The following EDNRB variants were observed in gnomAD, a reference collection of about 807,000 sequenced individuals.
EDNRB encodes the protein endothelin receptor type B, also known as Hirschsprung disease 2.
In EDNRB, 18 loss-of-function variants were observed where a neutral mutation model predicts 46.4. The ratio of observed to expected loss-of-function variants is 0.39; its 90% confidence interval spans 0.27 to 0.57. The LOEUF (loss-of-function observed/expected upper bound fraction) is 0.57. Among genes scored for constraint, EDNRB ranks in the 20% least tolerant of loss-of-function variants. The pLI is 0.61. For synonymous variants in EDNRB, 213 were observed against 204.9 expected, an observed-to-expected ratio of 1.04 and a Z score of -0.34; for missense variants, 434 against 537.5, an observed-to-expected ratio of 0.81 and a Z score of 1.90.
chr13:77,908,965 C>A (rs1879431018), intron 1 of EDNRB, among the ~76,000 whole-genome samples: 1 of 152,008 alleles, frequency 6.6e-6, no homozygotes, highest in South Asian at 2.1e-4. Context: ...GATGTCTCAT[C>A]TAACTGAATA....
At chr13:77,946,852 A>G (rs948302742) in intron 1 of EDNRB, among the ~76,000 whole-genome samples, 5 of 152,232 alleles carry the variant, frequency 3.3e-5, no homozygotes, top group African/African-American at 1.2e-4. Context: ...TTCCATAAAA[A>G]TCACCCTAGA....
In EDNRB at chr13:77,896,660, T is replaced by C. The variant is rs971973268; in HGVS notation, c.*1540A>G. The C allele has an allele frequency of 1.4e-6, 2 of 1,470,990 alleles. No homozygotes were observed. The highest frequency in any genetic ancestry group is 1.8e-6 in the Non-Finnish European group (2 of 1,116,590). 91.1% of individuals were successfully genotyped at this position (1,470,990 alleles called of 1,614,324 possible). ...GAAAGTCACTCTGAGAACATTGCAC[T>C]GTGTTTTGCTGGAACAAAATCAGGA... On this transcript the variant is annotated 3_prime_UTR_variant, in exon 7 of 7. Transcript: ENST00000646607.
intron 1 of EDNRB, among the ~76,000 whole-genome samples, chr13:77,948,632 G>T (rs926745926): frequency 6.6e-6 from 1 of 152,190 alleles, no homozygotes; most frequent in African/African-American, 2.4e-5. Flanking sequence ...CTGTCGAATG[G>T]AGTGAAGAAT....
chr13:77,956,909 T>C (rs1054534173), intron 1 of EDNRB, among the ~76,000 whole-genome samples: 2 of 152,228 alleles, frequency 1.3e-5, no homozygotes, highest in African/African-American at 4.8e-5. Context: ...CCTATCCAGA[T>C]AATTCAGTAT....
chr13:77,946,977 G>A (rs1880940139), intron 1 of EDNRB, among the ~76,000 whole-genome samples: 1 of 152,140 alleles, frequency 6.6e-6, no homozygotes, highest in African/African-American at 2.4e-5. Context: ...TCCTATGGGG[G>A]TACAGGATTA....
chr13:77,906,188 G>T (rs1164375775), intron 1 of EDNRB, among the ~76,000 whole-genome samples: 2 of 151,748 alleles, frequency 1.3e-5, no homozygotes, highest in Non-Finnish European at 1.5e-5. Flanking sequence ...TTTACCATGT[G>T]CATGGTGAAG....
chr13:77,935,262 G>T (rs1467564166), intron 1 of EDNRB, among the ~76,000 whole-genome samples: 1 of 152,206 alleles, frequency 6.6e-6, no homozygotes, highest in Non-Finnish European at 1.5e-5. Context: ...TGGATAAAAA[G>T]GCTACAGGGC....
At chr13:77,926,828 T>C (rs1805455264) in intron 1 of EDNRB, among the ~76,000 whole-genome samples, 1 of 152,240 alleles carries the variant, frequency 6.6e-6, no homozygotes, top group African/African-American at 2.4e-5. Context: ...GAGGTTTAAT[T>C]GGACTTAAAG....
chr13:77,925,928 A>G (rs1438823679), intron 1 of EDNRB, among the ~76,000 whole-genome samples: 1 of 152,220 alleles, frequency 6.6e-6, no homozygotes, highest in East Asian at 1.9e-4. Context: ...GCCCAAGACC[A>G]TGGGAACCCA....
chr13:77,941,238 G>C (rs1594387556), intron 1 of EDNRB, among the ~76,000 whole-genome samples: 1 of 152,178 alleles, frequency 6.6e-6, no homozygotes, highest in East Asian at 1.9e-4. Flanking sequence ...CCAAGGGAGG[G>C]AAGAGATTCA....
intron 1 of EDNRB, among the ~76,000 whole-genome samples, chr13:77,945,999 G>A (rs183042585): frequency 2.2e-4 from 33 of 152,008 alleles, no homozygotes; most frequent in Non-Finnish European, 3.7e-4. Flanking sequence ...CTTTGCCACC[G>A]TTTGGCATTG....
At chr13:77,951,833 T>C (rs1343170316) in intron 1 of EDNRB, among the ~76,000 whole-genome samples, 1 of 152,122 alleles carries the variant, frequency 6.6e-6, no homozygotes, top group Non-Finnish European at 1.5e-5. Flanking sequence ...CTCCCCTAAA[T>C]TGGGCCTCTA....
chr13:77,970,075 T>A (rs1454921212), intron 1 of EDNRB, among the ~76,000 whole-genome samples: 1 of 152,236 alleles, frequency 6.6e-6, no homozygotes, highest in Non-Finnish European at 1.5e-5. Context: ...GGAACCAGTG[T>A]CTGCATTTTC....
Position 77,918,707 on chromosome 13 carries a change from A to C in EDNRB, c.-134T>G. ...CGCTGCAAACGCTAATACCGCCCGCAGCCTCTTCGCCAGTATCCACGCTCA... is the reference window on the plus strand; with the variant it reads ...CGCTGCAAACGCTAATACCGCCCGCCGCCTCTTCGCCAGTATCCACGCTCA... On this transcript the variant is annotated 5_prime_UTR_variant, in exon 1 of 7. Transcript: ENST00000646607. The surrounding 1 kb of genome is among the most constrained non-coding windows in gnomAD (Gnocchi z 4.5). 1 of 1,373,510 alleles carries C rather than the reference A, an allele frequency of 7.3e-7. No homozygotes were observed. The allele number at this position is 1,373,510 out of a possible 1,614,324, so 85.1% of individuals were successfully genotyped here. A position where few individuals can be genotyped will look rare whatever the true frequency, so the allele number is the denominator to read the frequency against.
chr13:77,948,685 A>T (rs1314453415), intron 1 of EDNRB, among the ~76,000 whole-genome samples: 2 of 152,144 alleles, frequency 1.3e-5, no homozygotes, highest in Non-Finnish European at 2.9e-5. Flanking sequence ...CATGCACATG[A>T]GTTTGATATC....
intron 1 of EDNRB, among the ~76,000 whole-genome samples, chr13:77,967,237 T>C (rs952675328): frequency 6.6e-6 from 1 of 152,168 alleles, no homozygotes; most frequent in Non-Finnish European, 1.5e-5. Flanking sequence ...TGTTCAACCC[T>C]ACATCCCCAA....
chr13:77,963,602 CT>C (rs1360064972), intron 1 of EDNRB, among the ~76,000 whole-genome samples: 1 of 152,098 alleles, frequency 6.6e-6, no homozygotes, highest in African/African-American at 2.4e-5. Flanking sequence ...TTCCTTACAC[CT>C]TATACAAAAA....
At chr13:77,962,096 T>C (rs1364267804) in intron 1 of EDNRB, among the ~76,000 whole-genome samples, 2 of 152,160 alleles carry the variant, frequency 1.3e-5, no homozygotes, top group Admixed American at 6.5e-5. Flanking sequence ...GTTAAATCCC[T>C]GAATAGACCA....
chr13:77,944,166 C>A (rs574472442), intron 1 of EDNRB, among the ~76,000 whole-genome samples: 3 of 152,190 alleles, frequency 2.0e-5, no homozygotes, highest in Admixed American at 1.3e-4. Context: ...TTCATGGAAG[C>A]TTTACCAGGT....
Sources: allele counts gnomAD v4.1 joint callset (sites outside exome capture counted in the v4.1 genomes callset), GRCh38; gene constraint gnomAD v4.1.1; non-coding constraint Gnocchi (gnomAD v3.1); transcripts MANE v1.5; gene names NCBI Gene and HGNC (gene_info 2026-07-23, HGNC 2026-07-21).